The following CDH12 variants were observed in gnomAD, a reference collection of about 807,000 sequenced individuals.
CDH12 encodes cadherin 12, also known as cadherin-12.
CDH12 carries 41 observed loss-of-function variants against 74.1 expected under a neutral mutation model. The ratio of observed to expected loss-of-function variants is 0.55; its 90% CI spans 0.43 to 0.72. The LOEUF is 0.72. CDH12 is among the 30% of genes least tolerant of loss of function. CDH12 has a pLI of 0.00. For synonymous variants in CDH12, 399 were observed against 355.0 expected (o/e 1.12, Z -1.39); for missense variants, 945 against 977.2 (o/e 0.97, Z 0.44).
chr5:22,619,889 A>T (rs907304824), intron 1 of CDH12, among the ~76,000 whole-genome samples: 2 of 151,986 alleles, frequency 1.3e-5, no homozygotes, highest in African/African-American at 4.8e-5. Context: ...AGTCTCAGAA[A>T]CTCAGTGTCA....
chr5:22,393,729 T>C (rs1420939460), intron 3 of CDH12, among the ~76,000 whole-genome samples: 1 of 152,158 alleles, frequency 6.6e-6, no homozygotes, highest in African/African-American at 2.4e-5. Context: ...AAGTCTCTAA[T>C]GCCTTGGAGA....
chr5:22,264,731 T>A (rs995214693), intron 3 of CDH12, among the ~76,000 whole-genome samples: 1 of 152,124 alleles, frequency 6.6e-6, no homozygotes, highest in Non-Finnish European at 1.5e-5. Flanking sequence ...ACAGCTAATA[T>A]ATTGAATGGG....
At chr5:22,771,322 G>A (rs1463651326) in intron 1 of CDH12, among the ~76,000 whole-genome samples, 1 of 152,026 alleles carries the variant, frequency 6.6e-6, no homozygotes, top group Non-Finnish European at 1.5e-5. Context: ...TATTCTTAGT[G>A]GTCTTTGGCT....
intron 1 of CDH12, among the ~76,000 whole-genome samples, chr5:22,850,781 C>A (rs897093733): frequency 6.6e-6 from 1 of 151,986 alleles, no homozygotes; most frequent in Non-Finnish European, 1.5e-5. Context: ...ATTTTATTAC[C>A]CAAGCCCTTA....
intron 1 of CDH12, among the ~76,000 whole-genome samples, chr5:22,548,492 AT>A (rs975992500): frequency 8.6e-5 from 13 of 151,804 alleles, no homozygotes; most frequent in Admixed American, 5.9e-4. Context: ...GAAAACTATC[AT>A]TTTTTTTCCA....
intron 8 of CDH12, among the ~76,000 whole-genome samples, chr5:21,841,751 C>T (rs926733753): frequency 2.0e-5 from 3 of 151,262 alleles, no homozygotes; most frequent in Non-Finnish European, 4.4e-5. Context: ...AGTAAACTAT[C>T]GCAAGAACAA....
At chr5:22,008,689 A>G (rs1313186185) in intron 5 of CDH12, among the ~76,000 whole-genome samples, 3 of 152,162 alleles carry the variant, frequency 2.0e-5, no homozygotes, top group Non-Finnish European at 2.9e-5. Context: ...ATAGAACTTT[A>G]TCTGAGGGAA....
At chr5:22,532,017 G>T (rs945046352) in intron 1 of CDH12, among the ~76,000 whole-genome samples, 8 of 152,080 alleles carry the variant, frequency 5.3e-5, no homozygotes, top group African/African-American at 1.9e-4. Flanking sequence ...CTCAAATCCT[G>T]TAAAGTTAGG....
chr5:22,738,820 A>C (rs1033705117), intron 1 of CDH12, among the ~76,000 whole-genome samples: 7 of 152,060 alleles, frequency 4.6e-5, no homozygotes, highest in African/African-American at 9.7e-5. Context: ...ACCAATTGAC[A>C]TTAGACTTCT....
Position 21,822,738 on chromosome 5 carries a change from C to T in CDH12, c.815-5606G>A, listed in dbSNP as rs139763923. Among the ~76,000 whole-genome samples, 512 of 152,162 alleles carry T rather than the reference C, an allele frequency of 3.4e-3. 2 individuals are homozygous for T. Among genetic ancestry groups the T allele is most frequent in the African/African-American group, 0.011 (470 of 41,548 alleles). ...CTTCACTTTATTGGTTAAATTACTT[C>T]GCTTTTGAGATGTTATATTTGCCCA... On this transcript the variant is annotated intron_variant, in intron 8 of 14. Coordinates refer to ENST00000382254, the MANE Select transcript of CDH12 (RefSeq NM_004061.5).
chr5:22,354,974 T>C (rs1740501125), intron 3 of CDH12, among the ~76,000 whole-genome samples: 1 of 152,146 alleles, frequency 6.6e-6, no homozygotes, highest in Non-Finnish European at 1.5e-5. Context: ...ACTAGGGCCA[T>C]CTGAGTTCTA....
At chr5:22,423,192 A>G (rs1743730509) in intron 2 of CDH12, among the ~76,000 whole-genome samples, 1 of 147,406 alleles carries the variant, frequency 6.8e-6, no homozygotes, top group Admixed American at 7.0e-5. Context: ...TCATCAGTAC[A>G]AATGTAAACA....
Position 22,318,471 on chromosome 5 carries a change from C to T in CDH12, c.-333+86786G>A, listed in dbSNP as rs1309859058. Among the ~76,000 whole-genome samples the T allele has an allele frequency of 3.3e-5, 5 of 152,278 alleles. No individual in the cohort carries two copies. In the East Asian group the frequency reaches 7.7e-4, roughly 23 times the overall value. On this transcript the variant is annotated intron_variant, in intron 3 of 14. Transcript: ENST00000382254. ...CTCATGTGAAATGTGCAGGGGGAGGCTCCTTTTCCCTATATGAGTATCATT... is the reference window on the plus strand; with the variant it reads ...CTCATGTGAAATGTGCAGGGGGAGGTTCCTTTTCCCTATATGAGTATCATT...
At chr5:22,553,681 A>G (rs1411088716) in intron 1 of CDH12, among the ~76,000 whole-genome samples, 1 of 152,196 alleles carries the variant, frequency 6.6e-6, no homozygotes, top group Non-Finnish European at 1.5e-5. Context: ...CTAAACACTG[A>G]CAAAATATCA....
At chr5:22,317,136 G>A (rs896645322) in intron 3 of CDH12, among the ~76,000 whole-genome samples, 20 of 152,150 alleles carry the variant, frequency 1.3e-4, no homozygotes, top group Non-Finnish European at 2.4e-4. Flanking sequence ...TGGCCAACAC[G>A]GTGAAACCCC....
intron 3 of CDH12, among the ~76,000 whole-genome samples, chr5:22,382,924 G>A (rs1580589319): frequency 1.3e-5 from 2 of 152,098 alleles, no homozygotes; most frequent in South Asian, 2.1e-4. Context: ...TCTGCCTCCC[G>A]GGTTCAAACA....
intron 2 of CDH12, among the ~76,000 whole-genome samples, chr5:22,496,818 CT>C: frequency 6.6e-6 from 1 of 152,256 alleles, no homozygotes; most frequent in South Asian, 2.1e-4. Context: ...TTCTTTTGCT[CT>C]TTTTATTTTT....
chr5:22,310,418 G>A (rs964730720), intron 3 of CDH12, among the ~76,000 whole-genome samples: 5 of 148,294 alleles, frequency 3.4e-5, no homozygotes, highest in Non-Finnish European at 7.4e-5. Context: ...AGTGGAGATC[G>A]CACCACTGCA....
At chr5:22,747,935 C>T (rs1299277543) in intron 1 of CDH12, among the ~76,000 whole-genome samples, 1 of 152,084 alleles carries the variant, frequency 6.6e-6, no homozygotes, top group Non-Finnish European at 1.5e-5. Context: ...TGCTATTTGT[C>T]TCCATCTAAA....
Sources: gnomAD v4.1 joint callset for allele counts (sites outside exome capture counted in the v4.1 genomes callset) on GRCh38, gnomAD v4.1.1 for gene constraint, MANE v1.5 for transcripts, NCBI Gene and HGNC (gene_info 2026-07-23, HGNC 2026-07-21) for gene names.